KDM2A: variants seen among roughly 807,000 people sequenced by gnomAD.
The protein encoded by KDM2A is lysine-specific demethylase 2A.
KDM2A carries 3 observed loss-of-function variants against 137.3 expected under a neutral mutation model. The observed-to-expected ratio is 0.02, with a 90% confidence interval of 0.01 to 0.06. The LOEUF (loss-of-function observed/expected upper bound fraction) is 0.06, where lower values mean the gene tolerates loss of function less well. Ranked by LOEUF, KDM2A falls within the 10% of genes least tolerant of loss-of-function variation. The pLI is 1.00. For missense variants in KDM2A, 738 were observed against 1,510.6 expected, an observed-to-expected ratio of 0.49 and a Z score of 8.48; for synonymous variants, 512 against 541.5, an observed-to-expected ratio of 0.95 and a Z score of 0.76.
chr11:67,135,510 G>A lies in KDM2A; in HGVS notation c.42+14152G>A, dbSNP rs561011284. On this transcript the variant is annotated intron_variant, in intron 2 of 20. Coordinates refer to ENST00000529006, the MANE Select transcript of KDM2A (RefSeq NM_012308.3). Reference sequence around the variant, plus strand: ...TGAAAAACTGCCTCATGAGCTGGTTGTGGCCCTCAGCCTTAATTCATCTCT... The same window carrying A: ...TGAAAAACTGCCTCATGAGCTGGTTATGGCCCTCAGCCTTAATTCATCTCT... Among the ~76,000 whole-genome samples the A allele has an allele frequency of 5.9e-5, 9 of 152,286 alleles. No individual in the cohort carries two copies. In the South Asian group the frequency reaches 1.9e-3, roughly 32 times the overall value.
At chr11:67,240,996 A>T (rs1043348455) in intron 12 of KDM2A, among the ~76,000 whole-genome samples, 2 of 152,226 alleles carry the variant, frequency 1.3e-5, no homozygotes, top group Non-Finnish European at 2.9e-5. Flanking sequence ...AGGTAGAATT[A>T]GACTGCTTTT....
intron 17 of KDM2A, among the ~76,000 whole-genome samples, chr11:67,251,981 T>TG (rs1285568286): frequency 2.0e-5 from 3 of 152,142 alleles, no homozygotes; most frequent in African/African-American, 7.2e-5. Flanking sequence ...CCAACCAGGC[T>TG]GGGGGGCAGG....
chr11:67,206,832 T>C (rs1456769950), intron 5 of KDM2A, among the ~76,000 whole-genome samples: 1 of 152,270 alleles, frequency 6.6e-6, no homozygotes, highest in African/African-American at 2.4e-5. Flanking sequence ...CCTTATGCGT[T>C]TTGTTGTAGT....
At chr11:67,200,568 A>T (rs191357763) in intron 5 of KDM2A, among the ~76,000 whole-genome samples, 1 of 151,284 alleles carries the variant, frequency 6.6e-6, no homozygotes, top group Non-Finnish European at 1.5e-5. Flanking sequence ...TTGGAGTGCA[A>T]TGGTACAATC....
chr11:67,157,189 T>C (rs1255714525), intron 2 of KDM2A, among the ~76,000 whole-genome samples: 3 of 150,948 alleles, frequency 2.0e-5, no homozygotes, highest in Non-Finnish European at 4.4e-5. Flanking sequence ...GGTGGGTGCC[T>C]GTAGTCCCAG....
chr11:67,179,113 T>G (rs1196336406), intron 2 of KDM2A, among the ~76,000 whole-genome samples: 1 of 152,210 alleles, frequency 6.6e-6, no homozygotes, highest in Non-Finnish European at 1.5e-5. Flanking sequence ...AAGTGGTATT[T>G]CATTGTGGTT....
rs1201322112 is a variant in KDM2A at position 67,245,204 on chromosome 11, C to A, written c.1579C>A (p.Arg527=). The A allele has an allele frequency of 6.2e-7, 1 of 1,613,122 alleles. No homozygotes were observed. The highest frequency in any genetic ancestry group is 8.5e-7 in the Non-Finnish European group (1 of 1,179,160). Residue 527 remains arginine (R), a synonymous_variant, in exon 14 of 21, where the codon CGG becomes AGG. Transcript: ENST00000529006. This position sits in a 1 kb window ranked among gnomAD's most constrained non-coding sequence, Gnocchi z 4.1. Reference sequence around the variant, plus strand: ...CTCTTTCCAGCTTAAATTCCCCACTCGGCCAAAGGTGCGGGTTCCTACCAT... The same window carrying A: ...CTCTTTCCAGCTTAAATTCCCCACTAGGCCAAAGGTGCGGGTTCCTACCAT... ...PKRDKLKFPT[R]PKVRVPTIPI...
intron 2 of KDM2A, among the ~76,000 whole-genome samples, chr11:67,154,373 G>T (rs1856468652): frequency 6.6e-6 from 1 of 152,140 alleles, no homozygotes; most frequent in South Asian, 2.1e-4. Context: ...AAAATGTTTT[G>T]CAATCATCAC....
chr11:67,228,715 C>T (rs867512111), intron 11 of KDM2A, among the ~76,000 whole-genome samples: 13 of 148,302 alleles, frequency 8.8e-5, no homozygotes, highest in South Asian at 8.5e-4. Flanking sequence ...AAAGAAAGAA[C>T]GATGATCAGT....
At chr11:67,160,839 G>A (rs1012476260) in intron 2 of KDM2A, among the ~76,000 whole-genome samples, 38 of 152,192 alleles carry the variant, frequency 2.5e-4, no homozygotes, top group Admixed American at 9.8e-4. Flanking sequence ...GGGGCACTGA[G>A]GCATGTGCCT....
intron 2 of KDM2A, among the ~76,000 whole-genome samples, chr11:67,125,102 C>G (rs1179128283): frequency 1.3e-5 from 2 of 151,336 alleles, no homozygotes; most frequent in Non-Finnish European, 2.9e-5. Flanking sequence ...ACCTCGTGAT[C>G]CGCCTGCCTC....
intron 15 of KDM2A, among the ~76,000 whole-genome samples, chr11:67,246,935 TTTTTG>T (rs749852754): frequency 2.0e-5 from 3 of 149,770 alleles, no homozygotes; most frequent in African/African-American, 4.9e-5. Context: ...AAGAACCGGG[TTTTTG>T]TTTTGTTTTG....
At chr11:67,144,233 C>T (rs995507792) in intron 2 of KDM2A, among the ~76,000 whole-genome samples, 1 of 151,412 alleles carries the variant, frequency 6.6e-6, no homozygotes, top group African/African-American at 2.4e-5. Context: ...GCCATTGTAC[C>T]TGGCCCTTGG....
chr11:67,192,490 A>G (rs12294589), intron 5 of KDM2A, among the ~76,000 whole-genome samples: 4,817 of 108,180 alleles, frequency 0.045, 806 homozygotes, highest in African/African-American at 0.21. Flanking sequence ...TGGTGCCCTG[A>G]CTGGAGTGCA....
intron 2 of KDM2A, among the ~76,000 whole-genome samples, chr11:67,152,431 C>G (rs1311404855): frequency 6.6e-6 from 1 of 151,436 alleles, no homozygotes; most frequent in Non-Finnish European, 1.5e-5. Flanking sequence ...AGCAAGAGAC[C>G]TCATCTCTAC....
chr11:67,193,673 C>G (rs1857409686), intron 5 of KDM2A, among the ~76,000 whole-genome samples: 1 of 151,998 alleles, frequency 6.6e-6, no homozygotes, highest in South Asian at 2.1e-4. Context: ...CCAGCCTGAC[C>G]AACATGGCAA....
chr11:67,142,331 C>A (rs1856124917), intron 2 of KDM2A, among the ~76,000 whole-genome samples: 1 of 151,086 alleles, frequency 6.6e-6, no homozygotes, highest in Admixed American at 6.6e-5. Context: ...GCCACCGCGC[C>A]CACTGTATAT....
chr11:67,141,893 T>A (rs1312812929), intron 2 of KDM2A, among the ~76,000 whole-genome samples: 1 of 151,784 alleles, frequency 6.6e-6, no homozygotes, highest in African/African-American at 2.4e-5. Context: ...GCTTTTTAGT[T>A]CTTTAATATT....
At chr11:67,144,557 A>C (rs1565376345) in intron 2 of KDM2A, among the ~76,000 whole-genome samples, 2 of 135,584 alleles carry the variant, frequency 1.5e-5, no homozygotes, top group African/African-American at 5.6e-5. Flanking sequence ...CGGCCCCAAC[A>C]TTTTTTTTAA....
Sources: gnomAD v4.1 joint callset for allele counts (sites outside exome capture counted in the v4.1 genomes callset) on GRCh38, gnomAD v4.1.1 for gene constraint, Gnocchi (gnomAD v3.1) non-coding constraint, MANE v1.5 for transcripts, NCBI Gene and HGNC (gene_info 2026-07-23, HGNC 2026-07-21) for gene names.